TASP1: variants seen among roughly 807,000 people sequenced by gnomAD.
TASP1 encodes the protein threonine aspartase 1.
Under a neutral mutation model 56.6 loss-of-function variants are expected in TASP1, and 16 were observed. That is an observed-to-expected ratio of 0.28 (90% CI 0.19 to 0.43). The LOEUF (loss-of-function observed/expected upper bound fraction) is 0.43, where lower values mean the gene tolerates loss of function less well. TASP1 is among the 20% of genes least tolerant of loss of function. The pLI is 1.00. For missense variants in TASP1, 393 were observed against 511.6 expected, an observed-to-expected ratio of 0.77 and a Z score of 2.24; for synonymous variants, 179 against 184.2, an observed-to-expected ratio of 0.97 and a Z score of 0.23.
intron 7 of TASP1, among the ~76,000 whole-genome samples, chr20:13,567,906 C>T (rs766939143): frequency 3.9e-5 from 6 of 152,064 alleles, no homozygotes; most frequent in African/African-American, 7.2e-5. Context: ...AGACTCGAGA[C>T]TGGAAGGGGC....
intron 4 of TASP1, among the ~76,000 whole-genome samples, chr20:13,615,114 C>T (rs1048806254): frequency 6.6e-6 from 1 of 152,134 alleles, no homozygotes; most frequent in Non-Finnish European, 1.5e-5. Context: ...TTTAAGTCCT[C>T]TACTAAGCTT....
chr20:13,116,442 G>C, the TASP1 span, among the ~76,000 whole-genome samples: 1 of 152,134 alleles, frequency 6.6e-6, no homozygotes, highest in Non-Finnish European at 1.5e-5. Flanking sequence ...AGTGTTCTGA[G>C]AACTGATTAC....
chr20:13,110,072 C>T, the TASP1 span: 4 of 1,523,840 alleles, frequency 2.6e-6, no homozygotes, highest in Admixed American at 5.9e-5. Context: ...AAAAGTAAAC[C>T]CTTTCATGAC....
chr20:13,171,970 T>C, the TASP1 span, among the ~76,000 whole-genome samples: 3 of 151,842 alleles, frequency 2.0e-5, no homozygotes, highest in South Asian at 2.1e-4. Context: ...ATTAAAAATA[T>C]GTAATATTAA....
chr20:13,442,054 T>TAA (rs2043231321), intron 11 of TASP1, among the ~76,000 whole-genome samples: 1 of 152,118 alleles, frequency 6.6e-6, no homozygotes, highest in Non-Finnish European at 1.5e-5. Flanking sequence ...ATTTTACACA[T>TAA]CATTTGTACT....
At chr20:13,523,333 C>G (rs1407927561) in intron 10 of TASP1, among the ~76,000 whole-genome samples, 1 of 152,174 alleles carries the variant, frequency 6.6e-6, no homozygotes, top group South Asian at 2.1e-4. Flanking sequence ...CTGCCTTCCA[C>G]ATACCCTTAA....
intron 8 of TASP1, among the ~76,000 whole-genome samples, chr20:13,558,803 T>C (rs540528119): frequency 6.6e-6 from 1 of 152,240 alleles, no homozygotes; most frequent in Non-Finnish European, 1.5e-5. Context: ...TAAAATTAAT[T>C]TCCCTTGTTT....
At chr20:13,538,736 G>T (rs2045508522) in intron 8 of TASP1, among the ~76,000 whole-genome samples, 2 of 152,106 alleles carry the variant, frequency 1.3e-5, no homozygotes, top group African/African-American at 4.8e-5. Context: ...TATCAACTAT[G>T]TGTAAACAAA....
chr20:13,288,644 G>A, the TASP1 span: 6 of 1,614,018 alleles, frequency 3.7e-6, no homozygotes, highest in Non-Finnish European at 5.1e-6. Context: ...CGCGTGCACT[G>A]CAACAGAATC....
At chr20:13,239,255 G>A in the TASP1 span, among the ~76,000 whole-genome samples, 3 of 152,212 alleles carry the variant, frequency 2.0e-5, no homozygotes, top group Non-Finnish European at 2.9e-5. Context: ...GTTCTCCCCA[G>A]GGACTCATTG....
At chr20:13,537,969 T>A (rs1290712285) in intron 8 of TASP1, among the ~76,000 whole-genome samples, 1 of 151,714 alleles carries the variant, frequency 6.6e-6, no homozygotes, top group Non-Finnish European at 1.5e-5. Flanking sequence ...ATCTGCACTC[T>A]CTGAAATCTG....
chr20:13,470,582 C>G (rs1396734268), intron 11 of TASP1, among the ~76,000 whole-genome samples: 12 of 152,150 alleles, frequency 7.9e-5, no homozygotes, highest in Admixed American at 7.9e-4. Flanking sequence ...TATTTTGCAA[C>G]TTTGTGACCC....
chr20:13,161,568 G>A, the TASP1 span, among the ~76,000 whole-genome samples: 1 of 152,126 alleles, frequency 6.6e-6, no homozygotes, highest in Non-Finnish European at 1.5e-5. Context: ...GAGCAGTCAG[G>A]AAAGACATGT....
At chr20:13,510,842 C>T (rs1317907435) in intron 10 of TASP1, among the ~76,000 whole-genome samples, 2 of 152,210 alleles carry the variant, frequency 1.3e-5, no homozygotes, top group East Asian at 1.9e-4. Flanking sequence ...TGTTATCATC[C>T]TTATTATTAT....
intron 4 of TASP1, among the ~76,000 whole-genome samples, chr20:13,618,407 T>C (rs1223631637): frequency 6.6e-6 from 1 of 152,114 alleles, no homozygotes; most frequent in Non-Finnish European, 1.5e-5. Flanking sequence ...AGCAAGAATC[T>C]GTCTGAACAA....
At chr20:13,588,309 G>GGAAGGAAGGA (rs1296133393) in intron 4 of TASP1, among the ~76,000 whole-genome samples, 3 of 109,166 alleles carry the variant, frequency 2.7e-5, no homozygotes, top group African/African-American at 9.9e-5. Flanking sequence ...AAGGAAGGAA[G>GGAAGGAAGGA]AGAAAGAAAA....
intron 7 of TASP1, among the ~76,000 whole-genome samples, chr20:13,567,423 T>A (rs2046571064): frequency 6.6e-6 from 1 of 152,044 alleles, no homozygotes; most frequent in Non-Finnish European, 1.5e-5. Context: ...AAATTAAAAG[T>A]GTTTAAAAAA....
At chr20:13,335,112 G>A in the TASP1 span, among the ~76,000 whole-genome samples, 11,643 of 152,198 alleles carry the variant, frequency 0.076, 896 homozygotes, top group African/African-American at 0.2. Flanking sequence ...CAGCACAGCT[G>A]AGCCCATTAA....
At chr20:13,457,894 C>T (rs974256414) in intron 11 of TASP1, among the ~76,000 whole-genome samples, 2 of 152,088 alleles carry the variant, frequency 1.3e-5, no homozygotes, top group Non-Finnish European at 2.9e-5. Flanking sequence ...AACTAAAGGA[C>T]AAAAAGACCC....
Sources: gnomAD v4.1 joint callset for allele counts (sites outside exome capture counted in the v4.1 genomes callset) on GRCh38, gnomAD v4.1.1 for gene constraint, MANE v1.5 for transcripts, NCBI Gene and HGNC (gene_info 2026-07-23, HGNC 2026-07-21) for gene names.